UBOX5: variants seen among roughly 807,000 people sequenced by gnomAD.
UBOX5 encodes the protein U-box domain containing 5, also known as RING finger protein 37.
In UBOX5, 28 loss-of-function variants were observed where a neutral mutation model predicts 39.0. The observed-to-expected ratio is 0.72, with a 90% CI of 0.53 to 0.98. UBOX5 has a LOEUF of 0.98. Among genes scored for constraint, UBOX5 ranks in the 50% least tolerant of loss-of-function variants. The probability of loss-of-function intolerance (pLI) is 0.00; values close to 1 mark genes in which losing one functional copy is unlikely to be tolerated. For synonymous variants in UBOX5, 283 were observed against 275.5 expected (o/e 1.03, Z -0.27); for missense variants, 585 against 674.4 (o/e 0.87, Z 1.47).
Position 3,149,820 on chromosome 20 carries a change from C to G in UBOX5, c.-42+9946G>C, listed in dbSNP as rs1371154657. Among the ~76,000 whole-genome samples the G allele has an allele frequency of 6.6e-6, 1 of 152,104 alleles. No individual in the cohort carries two copies. Among genetic ancestry groups the G allele is most frequent in the Non-Finnish European group, 1.5e-5 (1 of 68,042 alleles). ...ATCACTTGAGGTCAGGAGTTCAAGA[C>G]CAGCCTGGCCAACAAGGCGAAATCC... is the stretch of plus-strand genomic sequence containing the variant. On this transcript the variant is annotated intron_variant, in intron 1 of 4. Coordinates refer to ENST00000217173, the MANE Select transcript of UBOX5 (RefSeq NM_014948.4). The surrounding 1 kb of genome is among the most constrained non-coding windows in gnomAD (Gnocchi z 4.1).
Position 3,148,275 on chromosome 20 carries a change from A to G in UBOX5, c.-42+11491T>C, listed in dbSNP as rs2066589313. 7 of 1,611,410 alleles carry G rather than the reference A, an allele frequency of 4.3e-6. No individual in the cohort carries two copies. Among genetic ancestry groups the G allele is most frequent in the Non-Finnish European group, 4.2e-6 (5 of 1,179,448 alleles). ...TTCCAGTGCAAATTAAGATAACTAG[A>G]AAAAATGTTTAAAAACCTAGGTACT... On this transcript the variant is annotated intron_variant, in intron 1 of 4. Coordinates refer to ENST00000217173, the MANE Select transcript of UBOX5 (RefSeq NM_014948.4).
rs1014321237 is a variant in UBOX5 at position 3,108,383 on chromosome 20, T to C, written c.*1723A>G. 3 of 152,180 alleles carry C rather than the reference T, an allele frequency of 2.0e-5. No homozygotes were observed. The highest frequency in any genetic ancestry group is 4.8e-5 in the African/African-American group (2 of 41,384). 9.4% of individuals were successfully genotyped at this position (152,180 alleles called of 1,614,324 possible). ...TTGGCCTCCCAAAGTGCTGGGATAA[T>C]AGGCATGAGCCACCATGCCCGGCCA... On this transcript the variant is annotated 3_prime_UTR_variant, in exon 5 of 5. Coordinates refer to ENST00000217173, the MANE Select transcript of UBOX5 (RefSeq NM_014948.4).
In UBOX5 at chr20:3,110,127, G is replaced by A. The variant is rs1046334; in HGVS notation, c.1605C>T (p.Asp535=). Residue 535 remains aspartate (D), a synonymous_variant, in exon 5 of 5, where the codon GAC becomes GAT. Transcript: ENST00000217173. ...TACQRPVASQ[D]VLRVHF is the part of the protein sequence containing the mutation. ...TCACTCAGAAGTGGACCCGCAGCAC[G>A]TCTTGGCTAGCAACCGGCCGCTGGC... 26 of 1,612,292 alleles carry A rather than the reference G, an allele frequency of 1.6e-5. No homozygotes were observed. The highest frequency in any genetic ancestry group is 6.6e-5 in the South Asian group (6 of 91,028).
chr20:3,157,357 AG>A (rs2066696809), intron 1 of UBOX5, among the ~76,000 whole-genome samples: 2 of 152,234 alleles, frequency 1.3e-5, no homozygotes. Flanking sequence ...TGTCACTCGC[AG>A]GTCTAAGCCA....
chr20:3,131,710 T>C (rs368601406), intron 1 of UBOX5, among the ~76,000 whole-genome samples: 2 of 152,074 alleles, frequency 1.3e-5, no homozygotes, highest in African/African-American at 4.8e-5. Flanking sequence ...TCAAAACCTA[T>C]AGAATTATAC....
At position 3,133,559 on chromosome 20, in the gene UBOX5, GA is replaced by G. The variant is rs145750022; in HGVS notation, c.-41-10154del. 6.0e-4 allele frequency among the ~76,000 whole-genome samples: 88 copies of G among 145,958 alleles called. 1 individual carries two copies. Among genetic ancestry groups the G allele is most frequent in the South Asian group, 8.6e-4 (4 of 4,630 alleles). ...TGTAAGATGGCAATACAGTTTATAA[GA>G]AAAAAAAAAGAATATAAAATAGTAG... is the stretch of plus-strand genomic sequence containing the variant. On this transcript the variant is annotated intron_variant, in intron 1 of 4. Coordinates refer to ENST00000217173, the MANE Select transcript of UBOX5 (RefSeq NM_014948.4).
intron 1 of UBOX5, among the ~76,000 whole-genome samples, chr20:3,135,734 T>C (rs554470809): frequency 1.9e-4 from 29 of 152,030 alleles, no homozygotes; most frequent in Non-Finnish European, 3.8e-4. Context: ...ACACACGCAA[T>C]TATTCATTTG....
Position 3,121,634 on chromosome 20 carries a change from G to A in UBOX5, c.1005C>T (p.His335=), listed in dbSNP as rs770303168. The A allele has an allele frequency of 3.3e-5, 53 of 1,611,818 alleles. No homozygotes were observed. The highest frequency in any genetic ancestry group is 4.4e-5 in the Non-Finnish European group (52 of 1,179,002). ...KARIDHFLLQ[H]SIPGCHLLGR... ...CAAGCAGGTGGCAGCCAGGGATGGA[G>A]TGCTGGAGCAGGAAATGGTCAATCC... Residue 335 remains histidine (H), a synonymous_variant, in exon 3 of 5, where the codon CAC becomes CAT. Transcript: ENST00000217173.
intron 1 of UBOX5, among the ~76,000 whole-genome samples, chr20:3,137,910 T>G (rs980105499): frequency 6.6e-6 from 1 of 152,212 alleles, no homozygotes; most frequent in African/African-American, 2.4e-5. Context: ...AGAAACAAAC[T>G]TGAGTGACAC....
intron 1 of UBOX5, among the ~76,000 whole-genome samples, chr20:3,124,263 G>C (rs531720242): frequency 7.2e-5 from 11 of 152,092 alleles, no homozygotes; most frequent in Admixed American, 5.2e-4. Flanking sequence ...CTCTGTTGCC[G>C]AGGCTGGACT....
intron 1 of UBOX5, among the ~76,000 whole-genome samples, chr20:3,131,706 C>T (rs1333348704): frequency 6.6e-6 from 1 of 152,128 alleles, no homozygotes; most frequent in African/African-American, 2.4e-5. Flanking sequence ...TAATTCAAAA[C>T]CTATAGAATT....
At chr20:3,152,531 G>C (rs192201149) in intron 1 of UBOX5, among the ~76,000 whole-genome samples, 4 of 151,924 alleles carry the variant, frequency 2.6e-5, no homozygotes, top group African/African-American at 7.2e-5. Flanking sequence ...ACCTACTTTC[G>C]AATTTGGAAT....
chr20:3,113,896 G>A (rs1023718403), intron 4 of UBOX5, among the ~76,000 whole-genome samples: 4 of 152,198 alleles, frequency 2.6e-5, no homozygotes, highest in Non-Finnish European at 5.9e-5. Context: ...CACTTTGGGA[G>A]GCCGAGGCAG....
intron 1 of UBOX5, among the ~76,000 whole-genome samples, chr20:3,129,039 A>C (rs1264098985): frequency 1.3e-5 from 2 of 152,094 alleles, no homozygotes; most frequent in African/African-American, 4.8e-5. Context: ...TGTGGAAGCG[A>C]GTCAGCCTTC....
intron 1 of UBOX5, chr20:3,148,871 C>A: frequency 1.2e-6 from 2 of 1,614,214 alleles, no homozygotes; most frequent in Non-Finnish European, 1.7e-6. Flanking sequence ...TGTCAGGATT[C>A]TCCGAGAAGA....
At chr20:3,147,538 A>G in intron 1 of UBOX5, 1 of 1,614,180 alleles carries the variant, frequency 6.2e-7, no homozygotes. Context: ...ATAGTTCCTT[A>G]AGGAGGTCAA....
chr20:3,139,732 C>T (rs957815999), intron 1 of UBOX5, among the ~76,000 whole-genome samples: 10 of 150,960 alleles, frequency 6.6e-5, no homozygotes, highest in Non-Finnish European at 8.9e-5. Flanking sequence ...TTTTTTGAGA[C>T]GGAGTCTTGC....
At chr20:3,146,980 C>A in intron 1 of UBOX5, 1 of 1,614,136 alleles carries the variant, frequency 6.2e-7, no homozygotes, top group Non-Finnish European at 8.5e-7. Flanking sequence ...ACTGAACAGC[C>A]AGCTTCATTC....
intron 1 of UBOX5, among the ~76,000 whole-genome samples, chr20:3,126,635 AAGGG>A (rs949476500): frequency 6.7e-6 from 1 of 148,764 alleles, no homozygotes; most frequent in Non-Finnish European, 1.5e-5. Context: ...GTGAAGGAGG[AAGGG>A]AGGGAGGGAG....
Sources: gnomAD v4.1 joint callset for allele counts (sites outside exome capture counted in the v4.1 genomes callset) on GRCh38, gnomAD v4.1.1 for gene constraint, Gnocchi (gnomAD v3.1) non-coding constraint, MANE v1.5 for transcripts, NCBI Gene and HGNC (gene_info 2026-07-23, HGNC 2026-07-21) for gene names.